TMED3: variants seen among roughly 807,000 people sequenced by gnomAD.
TMED3 encodes the protein transmembrane p24 trafficking protein 3.
TMED3 carries 9 observed loss-of-function variants against 15.0 expected under a neutral mutation model. That is an observed-to-expected ratio of 0.60 (90% CI 0.36 to 1.04). TMED3 has a LOEUF of 1.04. TMED3 is among the 50% of genes least tolerant of loss of function. The probability of loss-of-function intolerance (pLI) is 0.01; values close to 1 mark genes in which losing one functional copy is unlikely to be tolerated. For synonymous variants in TMED3, 117 were observed against 121.4 expected (o/e 0.96, Z 0.24); for missense variants, 267 against 278.9 (o/e 0.96, Z 0.30).
chr15:79,372,664 A>G (rs564460089), intron 2 of TMED3, among the ~76,000 whole-genome samples: 1 of 152,298 alleles, frequency 6.6e-6, no homozygotes, highest in East Asian at 1.9e-4. Flanking sequence ...ACAGCATGGG[A>G]AAACTAGCCC....
intron 2 of TMED3, among the ~76,000 whole-genome samples, chr15:79,406,325 G>A (rs920791497): frequency 6.6e-6 from 1 of 152,170 alleles, no homozygotes; most frequent in Admixed American, 6.5e-5. Context: ...CGTCCTGTCA[G>A]CTGCTAGAAA....
At chr15:79,393,721 G>A (rs572971060) in intron 2 of TMED3, among the ~76,000 whole-genome samples, 1 of 152,046 alleles carries the variant, frequency 6.6e-6, no homozygotes, top group Non-Finnish European at 1.5e-5. Flanking sequence ...TTTATGACAG[G>A]GTCTTACTAT....
At chr15:79,390,349 A>C (rs1266033595) in intron 2 of TMED3, among the ~76,000 whole-genome samples, 1 of 152,112 alleles carries the variant, frequency 6.6e-6, no homozygotes, top group East Asian at 1.9e-4. Context: ...TGAGATGATC[A>C]TGTGATTTTT....
At chr15:79,395,115 CT>C (rs1266534510) in intron 2 of TMED3, among the ~76,000 whole-genome samples, 2 of 152,110 alleles carry the variant, frequency 1.3e-5, no homozygotes, top group Non-Finnish European at 2.9e-5. Context: ...ATAATATTTC[CT>C]GTTTTCGTTT....
In TMED3 at chr15:79,311,235, G is replaced by C. The variant is rs1246527749; in HGVS notation, c.-15G>C. ...GCGCCCGAGCCGCGGCCCTCGAGAC[G>C]GGACCGAGAGCATCATGGGCAGCAC... is the stretch of plus-strand genomic sequence containing the variant. On this transcript the variant is annotated 5_prime_UTR_variant, in exon 1 of 3. Transcript: ENST00000299705. 5 of 1,589,598 alleles carry C rather than the reference G, an allele frequency of 3.1e-6. No individual in the cohort carries two copies. The highest frequency in any genetic ancestry group is 2.3e-5 in the East Asian group (1 of 43,570).
chr15:79,348,374 T>C (rs1370928406), intron 2 of TMED3, among the ~76,000 whole-genome samples: 1 of 152,226 alleles, frequency 6.6e-6, no homozygotes, highest in Admixed American at 6.5e-5. Context: ...GTCAAATATA[T>C]GTATATAAAT....
At chr15:79,362,217 G>A (rs1406728862) in intron 2 of TMED3, among the ~76,000 whole-genome samples, 1 of 151,682 alleles carries the variant, frequency 6.6e-6, no homozygotes, top group East Asian at 1.9e-4. Flanking sequence ...TACAATTCCA[G>A]CACTTTGGGA....
intron 2 of TMED3, among the ~76,000 whole-genome samples, chr15:79,387,519 ATTC>A (rs1257839501): frequency 6.6e-6 from 1 of 152,156 alleles, no homozygotes. Flanking sequence ...TGTCTTGGCT[ATTC>A]TTAGCTGTTT....
At chr15:79,328,784 G>A (rs2058796784) in intron 2 of TMED3, among the ~76,000 whole-genome samples, 1 of 152,220 alleles carries the variant, frequency 6.6e-6, no homozygotes, top group African/African-American at 2.4e-5. Flanking sequence ...GGGGTCTGTG[G>A]AGAGGGGTGG....
At chr15:79,388,740 TC>T (rs1415871199) in intron 2 of TMED3, among the ~76,000 whole-genome samples, 1 of 152,180 alleles carries the variant, frequency 6.6e-6, no homozygotes, top group Non-Finnish European at 1.5e-5. Flanking sequence ...GATCACCACA[TC>T]CCCACCAACA....
chr15:79,372,554 A>G (rs1303300882), intron 2 of TMED3, among the ~76,000 whole-genome samples: 1 of 152,240 alleles, frequency 6.6e-6, no homozygotes, highest in Non-Finnish European at 1.5e-5. Flanking sequence ...AAGGAAGAAC[A>G]AAGGCACATC....
At chr15:79,396,550 T>A (rs1893765406) in intron 2 of TMED3, among the ~76,000 whole-genome samples, 1 of 152,202 alleles carries the variant, frequency 6.6e-6, no homozygotes, top group South Asian at 2.1e-4. Flanking sequence ...TAGTTGGACT[T>A]TTTCCATCTT....
At chr15:79,324,092 A>G (rs745899271), downstream of TMED3, among the ~76,000 whole-genome samples, 4 of 152,148 alleles carry the variant, frequency 2.6e-5, no homozygotes, top group Admixed American at 6.5e-5. Context: ...CTGGGTTTAC[A>G]CCATTCTCCT....
At chr15:79,371,634 G>A (rs1288272504) in intron 2 of TMED3, among the ~76,000 whole-genome samples, 1 of 152,168 alleles carries the variant, frequency 6.6e-6, no homozygotes, top group Non-Finnish European at 1.5e-5. Flanking sequence ...GAAACCACAG[G>A]GGTATCTAAA....
intron 2 of TMED3, among the ~76,000 whole-genome samples, chr15:79,392,177 T>C (rs968406645): frequency 4.6e-5 from 7 of 152,310 alleles, no homozygotes; most frequent in South Asian, 2.1e-4. Context: ...GCTTTTTAAA[T>C]TGTATTTTTG....
chr15:79,317,261 GTGA>G (rs1231796148), intron 2 of TMED3, among the ~76,000 whole-genome samples: 1 of 152,218 alleles, frequency 6.6e-6, no homozygotes, highest in Non-Finnish European at 1.5e-5. Flanking sequence ...GGCCTTTAAA[GTGA>G]TGCTTCACAT....
intron 2 of TMED3, among the ~76,000 whole-genome samples, chr15:79,398,825 A>G (rs1567040187): frequency 6.6e-6 from 1 of 152,090 alleles, no homozygotes; most frequent in Admixed American, 6.5e-5. Context: ...ACCCATCACA[A>G]GCTGATGGAA....
At chr15:79,372,845 G>T (rs1893365023) in intron 2 of TMED3, among the ~76,000 whole-genome samples, 1 of 152,182 alleles carries the variant, frequency 6.6e-6, no homozygotes, top group Non-Finnish European at 1.5e-5. Flanking sequence ...GAATCCTTTA[G>T]AATTCTCCTT....
intron 1 of TMED3, among the ~76,000 whole-genome samples, chr15:79,313,251 C>T (rs2071584790): frequency 6.6e-6 from 1 of 152,024 alleles, no homozygotes; most frequent in Admixed American, 6.6e-5. Context: ...GTTTCTTGGA[C>T]ATCCCTCCTC....
Sources: gnomAD v4.1 joint callset for allele counts (sites outside exome capture counted in the v4.1 genomes callset) on GRCh38, gnomAD v4.1.1 for gene constraint, MANE v1.5 for transcripts, NCBI Gene and HGNC (gene_info 2026-07-23, HGNC 2026-07-21) for gene names.